DYNC1I2: variants seen among roughly 807,000 people sequenced by gnomAD.
The protein encoded by DYNC1I2 is cytoplasmic dynein 1 intermediate chain 2.
In DYNC1I2, 53 loss-of-function variants were observed where a neutral mutation model predicts 88.6. The observed-to-expected ratio is 0.60, with a 90% CI of 0.48 to 0.75. The LOEUF (loss-of-function observed/expected upper bound fraction) is 0.75, where lower values mean the gene tolerates loss of function less well. DYNC1I2 is among the 30% of genes least tolerant of loss of function. DYNC1I2 has a pLI of 0.00. For missense variants in DYNC1I2, 458 were observed against 766.6 expected, an observed-to-expected ratio of 0.60 and a Z score of 4.75; for synonymous variants, 198 against 254.6, an observed-to-expected ratio of 0.78 and a Z score of 2.12.
intron 3 of DYNC1I2, among the ~76,000 whole-genome samples, chr2:171,697,583 A>G (rs1363139120): frequency 6.6e-6 from 1 of 152,014 alleles, no homozygotes; most frequent in Non-Finnish European, 1.5e-5. Context: ...TGAGAGAGAA[A>G]GGAAGAACGA....
chr2:171,717,557 G>C lies in DYNC1I2; in HGVS notation c.511+2114G>C, dbSNP rs543795510. On this transcript the variant is annotated intron_variant, in intron 7 of 17. Coordinates refer to ENST00000397119, the MANE Select transcript of DYNC1I2 (RefSeq NM_001378.3). ...GAAGAAACACACTGATGGTAAACTTGCTTGAGACACAAGCAACTTTTTTTA... is the reference window on the plus strand; with the variant it reads ...GAAGAAACACACTGATGGTAAACTTCCTTGAGACACAAGCAACTTTTTTTA... Among the ~76,000 whole-genome samples, 7 of 152,228 alleles carry C rather than the reference G, an allele frequency of 4.6e-5. No homozygotes were observed. In the South Asian group the frequency reaches 1.0e-3, roughly 23 times the overall value.
intron 7 of DYNC1I2, among the ~76,000 whole-genome samples, chr2:171,717,100 A>G (rs1237434192): frequency 6.6e-6 from 1 of 150,884 alleles, no homozygotes; most frequent in East Asian, 1.9e-4. Context: ...CACTTTCAAA[A>G]TTTTGAGGAA....
intron 3 of DYNC1I2, among the ~76,000 whole-genome samples, chr2:171,694,890 C>T (rs1165335520): frequency 6.6e-6 from 1 of 152,048 alleles, no homozygotes. Context: ...CCCACTAGGC[C>T]CCACTTCCAA....
chr2:171,728,743 G>A lies in DYNC1I2; in HGVS notation c.1284G>A (p.Gln428=). 6.2e-7 allele frequency: 1 copy of A among 1,606,606 alleles called. No homozygotes were observed. The highest frequency in any genetic ancestry group is 8.5e-7 in the Non-Finnish European group (1 of 1,177,300). Residue 428 remains glutamine, a synonymous_variant, in exon 14 of 18, where the codon CAG becomes CAA. Transcript: ENST00000397119. The part of the protein sequence containing the change: ...PQDSMELVHK[Q]SKAVAVTSMS... ...ATAGCATGGAGTTGGTTCATAAACA[G>A]TCAAAAGCAGTAGCTGTGACATCTA...
chr2:171,700,772 C>T (rs1196566908), intron 3 of DYNC1I2, among the ~76,000 whole-genome samples: 1 of 152,118 alleles, frequency 6.6e-6, no homozygotes, highest in Non-Finnish European at 1.5e-5. Context: ...GCTGGGACTA[C>T]AGGCGCCCGC....
intron 3 of DYNC1I2, among the ~76,000 whole-genome samples, chr2:171,703,228 C>T (rs1233707268): frequency 2.0e-5 from 3 of 152,130 alleles, no homozygotes; most frequent in Non-Finnish European, 4.4e-5. Flanking sequence ...ACAACTAAAT[C>T]GTATTGTTTA....
At chr2:171,730,907 G>T (rs569427940) in intron 15 of DYNC1I2, among the ~76,000 whole-genome samples, 1 of 152,090 alleles carries the variant, frequency 6.6e-6, no homozygotes. Context: ...ATTCATTCTT[G>T]TCCTTTCTTG....
At chr2:171,739,636 T>C (rs1411379645) in intron 15 of DYNC1I2, among the ~76,000 whole-genome samples, 1 of 151,994 alleles carries the variant, frequency 6.6e-6, no homozygotes, top group Non-Finnish European at 1.5e-5. Context: ...TTTTTTTCTT[T>C]TTACTATTTA....
rs1027803491 is a variant in DYNC1I2, at chr2:171,699,590, G to T, written c.226+6696G>T. On this transcript the variant is annotated intron_variant, in intron 3 of 17. Coordinates refer to ENST00000397119, the MANE Select transcript of DYNC1I2 (RefSeq NM_001378.3). ...GAGAGCAGGGGTTATTCATCATTTG[G>T]AGTGTGTGTGTGTGTGTGTGTGTGT... Among the ~76,000 whole-genome samples, 4 of 111,562 alleles carry T rather than the reference G, an allele frequency of 3.6e-5. No homozygotes were observed. In the South Asian group the frequency reaches 1.5e-3, roughly 43 times the overall value. 73.2% of individuals were successfully genotyped at this position (111,562 alleles called of 152,430 possible).
At position 171,698,387 on chromosome 2, in the gene DYNC1I2, C is replaced by CT. The variant is rs200414053; in HGVS notation, c.226+5501dup. ...ATGAGTTTTTGCATGTATTTTATCT[C>CT]TTTTTTTTATTTTTTGAGACAGGGT... On this transcript the variant is annotated intron_variant, in intron 3 of 17. Transcript: ENST00000397119. Among the ~76,000 whole-genome samples the CT allele has an allele frequency of 6.7e-4, 102 of 151,994 alleles. 1 individual carries two copies. In the East Asian group the frequency reaches 0.013, roughly 20 times the overall value.
intron 3 of DYNC1I2, among the ~76,000 whole-genome samples, chr2:171,698,796 G>A (rs543895252): frequency 8.5e-4 from 130 of 152,266 alleles, no homozygotes; most frequent in Middle Eastern, 3.4e-3. Context: ...GTCAACCCGG[G>A]AGGTGGAGCT....
chr2:171,702,730 GT>G (rs879462191), intron 3 of DYNC1I2, among the ~76,000 whole-genome samples: 81 of 144,766 alleles, frequency 5.6e-4, no homozygotes, highest in African/African-American at 1.0e-3. Flanking sequence ...TTTGCTGGTA[GT>G]TTTTTTTTTT....
At chr2:171,723,339 G>A (rs954289386) in intron 7 of DYNC1I2, among the ~76,000 whole-genome samples, 1 of 152,182 alleles carries the variant, frequency 6.6e-6, no homozygotes, top group African/African-American at 2.4e-5. Flanking sequence ...TACATACAGT[G>A]AAACCTACTA....
intron 5 of DYNC1I2, among the ~76,000 whole-genome samples, chr2:171,708,063 T>TCACACACACACA (rs67204676): frequency 6.8e-4 from 101 of 147,720 alleles, no homozygotes; most frequent in East Asian, 2.6e-3. Context: ...CCTCTTTGTC[T>TCACACACACACA]CTCTCACACA....
intron 5 of DYNC1I2, among the ~76,000 whole-genome samples, chr2:171,708,250 T>C (rs1400699033): frequency 1.3e-5 from 2 of 151,998 alleles, no homozygotes; most frequent in Non-Finnish European, 2.9e-5. Context: ...AGACATAAGC[T>C]GTTAGAAGTT....
chr2:171,720,971 A>G (rs1163842851), intron 7 of DYNC1I2, among the ~76,000 whole-genome samples: 1 of 151,916 alleles, frequency 6.6e-6, no homozygotes, highest in African/African-American at 2.4e-5. Context: ...AATACTGCGA[A>G]AATAAAACCC....
At chr2:171,688,139 C>T (rs898591795) in intron 1 of DYNC1I2, 2 of 152,342 alleles carry the variant, frequency 1.3e-5, no homozygotes, top group Non-Finnish European at 2.9e-5. Flanking sequence ...TGGACCGCGC[C>T]CTCTTGGCCG....
intron 11 of DYNC1I2, 104 bp from the exon 12 acceptor site, chr2:171,727,717 C>T: frequency 9.7e-7 from 1 of 1,029,392 alleles, no homozygotes; most frequent in Non-Finnish European, 1.4e-6. Context: ...ACCTCTAATA[C>T]CATACAATGA....
At chr2:171,706,426 A>G (rs1326231080) in intron 3 of DYNC1I2, 121 bp from the exon 4 acceptor site, 2 of 790,322 alleles carry the variant, frequency 2.5e-6, no homozygotes, top group East Asian at 2.7e-5. Flanking sequence ...TAATGTTAAA[A>G]GTTGAGGATC....
Sources: allele counts gnomAD v4.1 joint callset (sites outside exome capture counted in the v4.1 genomes callset), GRCh38; gene constraint gnomAD v4.1.1; transcripts MANE v1.5; gene names NCBI Gene and HGNC (gene_info 2026-07-23, HGNC 2026-07-21).